Variants in ADA2 observed in about 807,000 individuals in gnomAD.
ADA2 encodes the protein adenosine deaminase 2.
In ADA2, 29 loss-of-function variants were observed where a neutral mutation model predicts 44.2. The ratio of observed to expected loss-of-function variants is 0.66; its 90% CI spans 0.49 to 0.89. The LOEUF (loss-of-function observed/expected upper bound fraction) is 0.89. Among genes scored for constraint, ADA2 ranks in the 40% least tolerant of loss-of-function variants. The probability of loss-of-function intolerance (pLI) is 0.00; values close to 1 mark genes in which losing one functional copy is unlikely to be tolerated. For synonymous variants in ADA2, 215 were observed against 234.9 expected, an observed-to-expected ratio of 0.92 and a Z score of 0.77; for missense variants, 637 against 644.8, an observed-to-expected ratio of 0.99 and a Z score of 0.13.
At chr22:17,187,973 A>G (rs1220284726) in intron 7 of ADA2, among the ~76,000 whole-genome samples, 6 of 149,332 alleles carry the variant, frequency 4.0e-5, no homozygotes, top group Non-Finnish European at 5.9e-5. Context: ...GCGTGGTGGC[A>G]GGTGCCTGTA....
At chr22:17,201,759 C>T (rs973654243) in intron 4 of ADA2, among the ~76,000 whole-genome samples, 12 of 152,138 alleles carry the variant, frequency 7.9e-5, no homozygotes, top group African/African-American at 2.9e-4. Flanking sequence ...CTGCTCTCCT[C>T]GAAAGATCCC....
At chr22:17,193,155 A>T in intron 4 of ADA2, 1 of 1,419,324 alleles carries the variant, frequency 7.0e-7, no homozygotes, top group Non-Finnish European at 9.7e-7. Context: ...AACATCAAGG[A>T]GCTGGAAGTG....
chr22:17,198,336 A>G (rs143420670), intron 4 of ADA2, among the ~76,000 whole-genome samples: 7 of 152,276 alleles, frequency 4.6e-5, no homozygotes, highest in Non-Finnish European at 8.8e-5. Flanking sequence ...AGGGTGCGAT[A>G]TACAGCTGGG....
rs534249476 is a variant in ADA2 at position 17,202,773 on chromosome 22, C to CTTTCTTT, written c.753+789_753+790insAAAGAAA. On this transcript the variant is annotated intron_variant, in intron 4 of 9. Coordinates refer to ENST00000399837, the MANE Select transcript of ADA2 (RefSeq NM_001282225.2). ...TTTTTCTTTCTCTTTTCCTTTCTTTCTTTTTTTTTTTGTGTGTGTGTGTTT... is the reference window on the plus strand; with the variant it reads ...TTTTTCTTTCTCTTTTCCTTTCTTTCTTTCTTTTTTTTTTTTTTGTGTGTGTGTGTTT... Among the ~76,000 whole-genome samples the CTTTCTTT allele has an allele frequency of 7.0e-4, 93 of 132,720 alleles. 1 individual carries two copies. Among genetic ancestry groups the CTTTCTTT allele is most frequent in the African/African-American group, 2.4e-3 (89 of 37,056 alleles). 87.1% of individuals were successfully genotyped at this position (132,720 alleles called of 152,430 possible).
At chr22:17,195,957 C>T (rs2062185489) in intron 4 of ADA2, among the ~76,000 whole-genome samples, 1 of 151,888 alleles carries the variant, frequency 6.6e-6, no homozygotes, top group Non-Finnish European at 1.5e-5. Flanking sequence ...CCATGCTGGT[C>T]AGGCTGGTCT....
rs780693700 is a variant in ADA2, at chr22:17,189,982, A to C, written c.932T>G (p.Leu311Arg). The change falls in exon 6 of 10, where the codon CTC becomes CGC. Residue 311 changes from leucine to arginine, a missense_variant. Coordinates refer to ENST00000399837, the MANE Select transcript of ADA2 (RefSeq NM_001282225.2). Reference sequence around the variant, plus strand: ...CACCACCGTGGGGAACTTGATTCGGAGCCCCATGGCCATTCGGATGGATTC... The same window carrying C: ...CACCACCGTGGGGAACTTGATTCGGCGCCCCATGGCCATTCGGATGGATTC... ...IAESIRMAMG[L>R]RIKFPTVVAG... The C allele has an allele frequency of 1.7e-5, 27 of 1,613,900 alleles. No homozygotes were observed. The highest frequency in any genetic ancestry group is 2.5e-6 in the Non-Finnish European group (3 of 1,179,922).
At chr22:17,183,458 T>A (rs867397021) in intron 7 of ADA2, among the ~76,000 whole-genome samples, 25,607 of 133,550 alleles carry the variant, frequency 0.19, 2,394 homozygotes, top group Middle Eastern at 0.28. Flanking sequence ...GTGGCACTCT[T>A]TTTTTTTTTT....
chr22:17,198,953 G>C (rs576261658), intron 4 of ADA2, among the ~76,000 whole-genome samples: 2 of 152,176 alleles, frequency 1.3e-5, no homozygotes, highest in Non-Finnish European at 2.9e-5. Context: ...ACCAGGCAGG[G>C]GGAGGCGAGG....
intron 4 of ADA2, among the ~76,000 whole-genome samples, chr22:17,196,052 A>G (rs1452926912): frequency 2.0e-5 from 3 of 151,454 alleles, no homozygotes; most frequent in African/African-American, 7.3e-5. Context: ...CGGCAAGAAA[A>G]TTTCTTAATT....
intron 5 of ADA2, among the ~76,000 whole-genome samples, chr22:17,190,436 G>T (rs529837979): frequency 2.6e-5 from 4 of 152,134 alleles, no homozygotes; most frequent in Non-Finnish European, 4.4e-5. Flanking sequence ...ACCTGCAAAG[G>T]GCCACAGGTC....
At chr22:17,193,667 T>TA (rs1025983727) in intron 4 of ADA2, among the ~76,000 whole-genome samples, 112 of 102,412 alleles carry the variant, frequency 1.1e-3, no homozygotes, top group African/African-American at 3.0e-3. Flanking sequence ...GACTCCACCT[T>TA]AAAAAAAAAC....
chr22:17,205,213 T>C (rs1390821946), intron 3 of ADA2, among the ~76,000 whole-genome samples: 3 of 151,920 alleles, frequency 2.0e-5, no homozygotes, highest in African/African-American at 7.3e-5. Flanking sequence ...AGAGACAGGG[T>C]TTCACCATGT....
intron 4 of ADA2, among the ~76,000 whole-genome samples, chr22:17,193,852 C>G (rs946958889): frequency 6.6e-6 from 1 of 151,376 alleles, no homozygotes; most frequent in Non-Finnish European, 1.5e-5. Flanking sequence ...GACAAGATAG[C>G]TGCCCTCAGG....
Position 17,191,786 on chromosome 22 carries a change from G to A in ADA2, c.778C>T (p.His260Tyr), listed in dbSNP as rs778374105. Reference protein sequence around the residue: ...LPVYELSGEHHDEEWSVKTYQ... With the variant: ...LPVYELSGEHYDEEWSVKTYQ... The stretch of plus-strand genomic sequence containing the variant: ...GTCTTCACTGACCACTCTTCGTCAT[G>A]GTGCTCTCCACTGAGCTCATACACC... Residue 260 changes from histidine to tyrosine, a missense_variant, in exon 5 of 10, where the codon CAT (histidine) becomes TAT (tyrosine). Coordinates refer to ENST00000399837, the MANE Select transcript of ADA2 (RefSeq NM_001282225.2). 6 of 1,613,412 alleles carry A rather than the reference G, an allele frequency of 3.7e-6. No individual in the cohort carries two copies. Among genetic ancestry groups the A allele is most frequent in the Non-Finnish European group, 5.1e-6 (6 of 1,179,840 alleles).
At chr22:17,217,051 T>G (rs2062480679) in intron 1 of ADA2, among the ~76,000 whole-genome samples, 1 of 151,608 alleles carries the variant, frequency 6.6e-6, no homozygotes, top group Admixed American at 6.6e-5. Flanking sequence ...ATTAAAAAAA[T>G]GAGAATTAGA....
chr22:17,187,099 G>A (rs531066805), intron 7 of ADA2, among the ~76,000 whole-genome samples: 36 of 146,618 alleles, frequency 2.5e-4, no homozygotes, highest in East Asian at 1.2e-3. Context: ...CCAGGAAGCC[G>A]AGCTTGCAAG....
chr22:17,192,186 T>C (rs540195593), intron 4 of ADA2, among the ~76,000 whole-genome samples: 1 of 152,214 alleles, frequency 6.6e-6, no homozygotes, highest in East Asian at 1.9e-4. Flanking sequence ...TGCTGCTGCA[T>C]GGGGAATTCC....
At chr22:17,190,214 T>A (rs1293592001) in intron 5 of ADA2, among the ~76,000 whole-genome samples, 182 bp from the exon 6 acceptor site, 1 of 152,220 alleles carries the variant, frequency 6.6e-6, no homozygotes, top group Non-Finnish European at 1.5e-5. Flanking sequence ...CTGAGAGATA[T>A]GTAGCCCAAA....
At chr22:17,183,462 T>A (rs1301258333) in intron 7 of ADA2, among the ~76,000 whole-genome samples, 245 of 144,424 alleles carry the variant, frequency 1.7e-3, no homozygotes, top group Non-Finnish European at 3.3e-3. Context: ...CACTCTTTTT[T>A]TTTTTTTTTT....
Sources: allele counts gnomAD v4.1 joint callset (sites outside exome capture counted in the v4.1 genomes callset), GRCh38; gene constraint gnomAD v4.1.1; transcripts MANE v1.5; gene names NCBI Gene and HGNC (gene_info 2026-07-23, HGNC 2026-07-21).